GNL2: variants seen among roughly 807,000 people sequenced by gnomAD.
The protein encoded by GNL2 is G protein nucleolar 2.
In GNL2, 51 loss-of-function variants were observed where a neutral mutation model predicts 92.3. The ratio of observed to expected loss-of-function variants is 0.55; its 90% CI spans 0.44 to 0.70. GNL2 has a LOEUF of 0.70. GNL2 is among the 30% of genes least tolerant of loss of function. GNL2 has a pLI of 0.00. For synonymous variants in GNL2, 283 were observed against 300.6 expected (o/e 0.94, Z 0.61); for missense variants, 844 against 895.6 (o/e 0.94, Z 0.74).
intron 8 of GNL2, chr1:37,581,562 A>G (rs1280900378): frequency 4.4e-6 from 2 of 455,934 alleles, no homozygotes; most frequent in Non-Finnish European, 8.8e-6. Context: ...CAGAAATGGA[A>G]GCAACACTGG....
At position 37,575,466 on chromosome 1, in the gene GNL2, T is replaced by C. The variant is rs767910654; in HGVS notation, c.1143+129A>G. ...TGAGAGGCTGCTGTTCAGCATCATG[T>C]TCCTAAAGTTTGGTCAGACAGGCTG... On this transcript the variant is annotated intron_variant, in intron 10 of 15. Coordinates refer to ENST00000373062, the MANE Select transcript of GNL2 (RefSeq NM_013285.3). This position sits in a 1 kb window ranked among gnomAD's most constrained non-coding sequence, Gnocchi z 4.1. The C allele has an allele frequency of 3.6e-6, 2 of 560,266 alleles. No homozygotes were observed. The highest frequency in any genetic ancestry group is 3.9e-5 in the African/African-American group (2 of 51,486). 34.7% of individuals were successfully genotyped at this position (560,266 alleles called of 1,614,324 possible). A position where few individuals can be genotyped will look rare whatever the true frequency, so the allele number is the denominator to read the frequency against.
chr1:37,595,158 T>G (rs1643913754), intron 1 of GNL2, among the ~76,000 whole-genome samples: 1 of 152,256 alleles, frequency 6.6e-6, no homozygotes, highest in Non-Finnish European at 1.5e-5. Context: ...AACCATATTT[T>G]AAAACAAAGT....
At chr1:37,593,721 C>T (rs550664061) in intron 2 of GNL2, 41 bp downstream of exon 2, 70 of 1,385,012 alleles carry the variant, frequency 5.1e-5, no homozygotes, top group Admixed American at 2.2e-4. Flanking sequence ...CAGTCAAGGG[C>T]ATGAAGGAAA....
rs567020750 is a variant in GNL2, at chr1:37,589,374, G to A, written c.384+1332C>T. On this transcript the variant is annotated intron_variant, in intron 4 of 15. Coordinates refer to ENST00000373062, the MANE Select transcript of GNL2 (RefSeq NM_013285.3). ...GGCTGGCACGCAGTGGCGCAATCTC[G>A]GCTCACTGCAAGCTCTGCCTCCCGG... 3.7e-4 allele frequency among the ~76,000 whole-genome samples: 56 copies of A among 152,280 alleles called. 1 individual carries two copies. The highest frequency in any genetic ancestry group is 1.1e-3 in the African/African-American group (46 of 41,556).
At chr1:37,573,540 C>G (rs1643627951) in intron 12 of GNL2, among the ~76,000 whole-genome samples, 1 of 152,244 alleles carries the variant, frequency 6.6e-6, no homozygotes. Context: ...TCCTTTCCCA[C>G]TGGATCACAG....
In GNL2 at chr1:37,587,380, G is replaced by A; in HGVS notation, c.500C>T (p.Ala167Val). ...GTCATAGCTCTCAGTGGACATTTCA[G>A]CATTTTCGATAAGAGACTGCATATC... ...ASDMQSLIEN[A>V]EMSTESYDQG... The change falls in exon 5 of 16, where the codon GCT (alanine) becomes GTT (valine). Residue 167 changes from alanine (A) to valine (V), a missense_variant. Ala to Val is a moderately conservative substitution (Grantham distance 64). Coordinates refer to ENST00000373062, the MANE Select transcript of GNL2 (RefSeq NM_013285.3). 6.2e-7 allele frequency: 1 copy of A among 1,613,378 alleles called. No homozygotes were observed.
intron 14 of GNL2, 146 bp downstream of exon 14, chr1:37,568,129 C>A (rs991433395): frequency 8.0e-6 from 5 of 625,514 alleles, no homozygotes; most frequent in Non-Finnish European, 1.1e-5. Context: ...ATTCAATTTG[C>A]ATAACACTAT....
Position 37,583,927 on chromosome 1 carries a change from T to C in GNL2, c.576A>G (p.Glu192=). 1 of 1,563,448 alleles carries C rather than the reference T, an allele frequency of 6.4e-7. No individual in the cohort carries two copies. Among genetic ancestry groups the C allele is most frequent in the Non-Finnish European group, 8.8e-7 (1 of 1,133,442 alleles). The change falls in exon 6 of 16, where the codon GAA becomes GAG. Residue 192 remains glutamate, a synonymous_variant. Coordinates refer to ENST00000373062, the MANE Select transcript of GNL2 (RefSeq NM_013285.3). ...LVTEDTGVRN[E]AQEEIYKKGQ... ...CCTTTTTATAGATCTCTTCTTGAGC[T>C]TCATTTCTAAATAAGAAAGCACCCC...
intron 2 of GNL2, 44 bp from the exon 3 acceptor site, chr1:37,592,850 G>A: frequency 1.9e-6 from 2 of 1,070,034 alleles, no homozygotes; most frequent in South Asian, 2.6e-5. Flanking sequence ...ACAGAAAAAT[G>A]GCAACAGCGA....
chr1:37,577,470 T>C (rs867388496), intron 8 of GNL2, among the ~76,000 whole-genome samples: 3 of 152,082 alleles, frequency 2.0e-5, no homozygotes, highest in South Asian at 2.1e-4. Context: ...ATGACAGCAG[T>C]GGACATTAAC....
At chr1:37,570,706 C>A (rs1643581573) in intron 12 of GNL2, 1 of 152,142 alleles carries the variant, frequency 6.6e-6, no homozygotes, top group Non-Finnish European at 1.5e-5. Flanking sequence ...ATTATAATTA[C>A]CCAATCTGTA....
At position 37,569,208 on chromosome 1, in the gene GNL2, G is replaced by A. The variant is rs759690090; in HGVS notation, c.1511C>T (p.Ser504Phe). The A allele has an allele frequency of 5.0e-6, 8 of 1,613,788 alleles. No homozygotes were observed. In the Admixed American group the frequency reaches 1.2e-4, roughly 24 times the overall value. ...CTCTTCTGTTTCTTCCTTAATGATG[G>A]ATTCTGACCCTTCACCTGCAGTTTC... ...VTETAGEGSE[S>F]IIKEETEENS... Residue 504 changes from serine to phenylalanine, a missense_variant, in exon 13 of 16, where the codon TCC becomes TTC. By Grantham distance (155) the Ser-to-Phe change is radical (BLOSUM62 -2). Coordinates refer to ENST00000373062, the MANE Select transcript of GNL2 (RefSeq NM_013285.3).
intron 5 of GNL2, among the ~76,000 whole-genome samples, chr1:37,586,259 T>C (rs1038395099): frequency 6.6e-6 from 1 of 152,188 alleles, no homozygotes; most frequent in Non-Finnish European, 1.5e-5. Context: ...TCTGAGTAGC[T>C]GGGACTCTAT....
intron 12 of GNL2, among the ~76,000 whole-genome samples, chr1:37,572,258 G>GC (rs1280391163): frequency 2.0e-5 from 3 of 152,022 alleles, no homozygotes; most frequent in Non-Finnish European, 4.4e-5. Context: ...ACACTTCCTG[G>GC]CACAGAGCTC....
chr1:37,591,726 C>T (rs1051868924), intron 3 of GNL2, among the ~76,000 whole-genome samples: 17 of 152,060 alleles, frequency 1.1e-4, no homozygotes, highest in African/African-American at 2.9e-4. Flanking sequence ...AGGCTGGTCT[C>T]GAATGCCTGA....
chr1:37,589,092 GAACA>G (rs1220459973), intron 4 of GNL2, among the ~76,000 whole-genome samples: 1 of 152,198 alleles, frequency 6.6e-6, no homozygotes, highest in Non-Finnish European at 1.5e-5. Context: ...GCTTTAGGGA[GAACA>G]GACAAAGAGA....
chr1:37,583,808 T>A, intron 6 of GNL2, 59 bp downstream of exon 6: 1 of 995,702 alleles, frequency 1.0e-6, no homozygotes. Context: ...TTAGTTTTCT[T>A]CTACAAAATC....
chr1:37,577,526 T>A (rs79298833), intron 8 of GNL2, among the ~76,000 whole-genome samples: 1 of 152,092 alleles, frequency 6.6e-6, no homozygotes, highest in African/African-American at 2.4e-5. Flanking sequence ...GAGAATGAGA[T>A]GGAGATGAGA....
intron 12 of GNL2, among the ~76,000 whole-genome samples, chr1:37,571,248 T>G (rs994751689): frequency 1.3e-5 from 2 of 152,202 alleles, no homozygotes; most frequent in East Asian, 3.8e-4. Flanking sequence ...TTGGCCCATA[T>G]CCTTGTTGCT....
Sources: gnomAD v4.1 joint callset for allele counts (sites outside exome capture counted in the v4.1 genomes callset) on GRCh38, gnomAD v4.1.1 for gene constraint, Gnocchi (gnomAD v3.1) non-coding constraint, MANE v1.5 for transcripts, NCBI Gene and HGNC (gene_info 2026-07-23, HGNC 2026-07-21) for gene names.